Variants in CARD10 observed in about 807,000 individuals in gnomAD.
CARD10 encodes caspase recruitment domain family member 10, also known as caspase recruitment domain-containing protein 10.
A neutral mutation model predicts 114.6 loss-of-function variants in CARD10; 49 were observed. The ratio of observed to expected loss-of-function variants is 0.43; its 90% CI spans 0.34 to 0.54. The LOEUF (loss-of-function observed/expected upper bound fraction) is 0.54. Among genes scored for constraint, CARD10 ranks in the 20% least tolerant of loss-of-function variants. The pLI, the probability that CARD10 is intolerant of heterozygous loss-of-function variation, is 0.03. For synonymous variants in CARD10, 602 were observed against 593.2 expected (o/e 1.01, Z -0.21); for missense variants, 1,206 against 1,397.2 (o/e 0.86, Z 2.18).
chr22:37,508,987 C>T (rs968976243), intron 4 of CARD10: 6 of 1,548,884 alleles, frequency 3.9e-6, no homozygotes, highest in African/African-American at 2.7e-5. Context: ...GGCACACACT[C>T]GTGCTCTGGC....
At position 37,496,216 on chromosome 22, in the gene CARD10, G is replaced by C. The variant is rs1409679510; in HGVS notation, c.2060-213C>G. ...AAACAGAGCCAGGACTCAAACCCAG[G>C]TCTCTGGACTCCTAATGTAGTGCTC... On this transcript the variant is annotated intron_variant, in intron 13 of 19. Transcript: ENST00000251973. This position sits in a 1 kb window ranked among gnomAD's most constrained non-coding sequence, Gnocchi z 4.1. Among the ~76,000 whole-genome samples the C allele has an allele frequency of 6.6e-6, 1 of 152,180 alleles. No individual in the cohort carries two copies. Among genetic ancestry groups the C allele is most frequent in the Non-Finnish European group, 1.5e-5 (1 of 68,024 alleles).
At chr22:37,511,578 T>A (rs1337303543) in intron 3 of CARD10, among the ~76,000 whole-genome samples, 2 of 148,732 alleles carry the variant, frequency 1.3e-5, no homozygotes, top group Non-Finnish European at 3.0e-5. Context: ...CAGCTCCGTC[T>A]CTAGCTCAGT....
intron 8 of CARD10, 130 bp from the exon 9 acceptor site, chr22:37,504,431 T>G: frequency 2.8e-6 from 3 of 1,070,876 alleles, no homozygotes; most frequent in Non-Finnish European, 3.9e-6. Flanking sequence ...CTCTGCAAGA[T>G]TATAGTGTGC....
At position 37,496,926 on chromosome 22, in the gene CARD10, C is replaced by G; in HGVS notation, c.1947+93G>C. The G allele has an allele frequency of 7.1e-7, 1 of 1,410,814 alleles. No individual in the cohort carries two copies. Among genetic ancestry groups the G allele is most frequent in the Non-Finnish European group, 9.6e-7 (1 of 1,042,442 alleles). The allele number at this position is 1,410,814 out of a possible 1,614,324, so 87.4% of individuals were successfully genotyped here. On this transcript the variant is annotated intron_variant, in intron 12 of 19. Transcript: ENST00000251973. This position sits in a 1 kb window ranked among gnomAD's most constrained non-coding sequence, Gnocchi z 4.1. ...CGGCTTTGACCAATCCCCAGAAGCTCTGCCCGGTGATCTTGATCCACCAAA... is the reference window on the plus strand; with the variant it reads ...CGGCTTTGACCAATCCCCAGAAGCTGTGCCCGGTGATCTTGATCCACCAAA...
intron 6 of CARD10, among the ~76,000 whole-genome samples, 158 bp from the exon 7 acceptor site, chr22:37,506,541 T>C (rs190446407): frequency 1.4e-3 from 217 of 152,318 alleles, no homozygotes; most frequent in African/African-American, 3.6e-3. Context: ...CTCATTTAAA[T>C]ATCTTCACAC....
At chr22:37,509,022 G>A in intron 4 of CARD10, 1 of 1,550,180 alleles carries the variant, frequency 6.5e-7, no homozygotes, top group East Asian at 2.4e-5. Flanking sequence ...CAGGGCAGCA[G>A]ACGGAGGCCA....
At position 37,492,698 on chromosome 22, in the gene CARD10, G is replaced by C. The variant is rs760946767; in HGVS notation, c.2581C>G (p.Arg861Gly). Residue 861 changes from arginine (R) to glycine (G), a missense_variant, in exon 17 of 20, where the codon CGT becomes GGT. This residue lies in a region of CARD10 where 1,068 missense variants were observed against 1,179.1 expected (regional missense o/e 0.91). Transcript: ENST00000251973. This position sits in a 1 kb window ranked among gnomAD's most constrained non-coding sequence, Gnocchi z 5.7. Reference protein sequence around the residue: ...LPECLAPRLIRNLLDLPSSRL... With the variant: ...LPECLAPRLIGNLLDLPSSRL... ...GAGCTGGGCAGGTCTAGCAGGTTACGGATGAGCCGGGGCGCCAGGCACTCA... is the reference window on the plus strand; with the variant it reads ...GAGCTGGGCAGGTCTAGCAGGTTACCGATGAGCCGGGGCGCCAGGCACTCA... The C allele has an allele frequency of 6.2e-7, 1 of 1,612,990 alleles. No individual in the cohort carries two copies. The highest frequency in any genetic ancestry group is 1.7e-5 in the Admixed American group (1 of 59,970).
rs923266019 is a variant in CARD10, at chr22:37,501,452, G to A, written c.1787+1150C>T. Among the ~76,000 whole-genome samples, 1 of 152,102 alleles carries A rather than the reference G, an allele frequency of 6.6e-6. No individual in the cohort carries two copies. Among genetic ancestry groups the A allele is most frequent in the Non-Finnish European group, 1.5e-5 (1 of 68,012 alleles). On this transcript the variant is annotated intron_variant, in intron 11 of 19. Coordinates refer to ENST00000251973, the MANE Select transcript of CARD10 (RefSeq NM_014550.4). The surrounding 1 kb of genome is among the most constrained non-coding windows in gnomAD (Gnocchi z 5.4). ...CCTGCACAGGCAAAAACAATGTCTC[G>A]CTGAGCCCACTGCCGGGGGCCAGGT...
intron 3 of CARD10, among the ~76,000 whole-genome samples, chr22:37,515,462 C>A (rs1287211171): frequency 6.7e-6 from 1 of 150,296 alleles, no homozygotes; most frequent in Non-Finnish European, 1.5e-5. Context: ...ACCCGGGAAG[C>A]TGAGGCAGGA....
chr22:37,513,944 CA>C (rs373883936), intron 3 of CARD10, among the ~76,000 whole-genome samples: 23,781 of 148,492 alleles, frequency 0.16, 2,271 homozygotes, highest in Middle Eastern at 0.34. Context: ...ACTAAAAATA[CA>C]AAAAAAAAAT....
chr22:37,502,807 C>T, intron 10 of CARD10, 82 bp from the exon 11 acceptor site: 3 of 1,499,882 alleles, frequency 2.0e-6, no homozygotes, highest in Admixed American at 2.2e-5. Context: ...TGACCCCCCT[C>T]CAGCCCAGAG....
At chr22:37,517,920 AG>A (rs1418742863) in intron 2 of CARD10, 50 bp downstream of exon 2, 1 of 1,592,220 alleles carries the variant, frequency 6.3e-7, no homozygotes, top group South Asian at 1.1e-5. Flanking sequence ...TGGGGAAAGG[AG>A]CCTGTGCACT....
chr22:37,504,653 T>C lies in CARD10; in HGVS notation c.1500A>G (p.Gly500=), dbSNP rs1420319547. ...GTCTTACCGAGTTGTGAGGCTCAGG[T>C]CCCCCCATGACAGCTGCCTCCCCAG... ...EATGEAAVMG[G]PEPHNSEEAT... is the part of the protein sequence containing the mutation. Residue 500 remains glycine, a synonymous_variant, in exon 8 of 20, where the codon GGA becomes GGG. Transcript: ENST00000251973. The C allele has an allele frequency of 6.6e-7, 1 of 1,513,346 alleles. No homozygotes were observed. 93.7% of individuals were successfully genotyped at this position (1,513,346 alleles called of 1,614,324 possible).
intron 11 of CARD10, among the ~76,000 whole-genome samples, chr22:37,500,298 G>A (rs547781174): frequency 6.6e-6 from 1 of 152,214 alleles, no homozygotes; most frequent in African/African-American, 2.4e-5. Flanking sequence ...GACAGAAGGT[G>A]CCAGAGATCC....
chr22:37,510,561 G>T, intron 3 of CARD10, 140 bp from the exon 4 acceptor site: 1 of 682,298 alleles, frequency 1.5e-6, no homozygotes, highest in Non-Finnish European at 2.5e-6. Flanking sequence ...CCCCAGGCTT[G>T]TCTATGAAAA....
At position 37,502,708 on chromosome 22, in the gene CARD10, G is replaced by GCTTAAGTGTCACA; in HGVS notation, c.1668_1680dup (p.Pro561CysfsTer4). 6.2e-7 allele frequency: 1 copy of GCTTAAGTGTCACA among 1,613,414 alleles called. No homozygotes were observed. Among genetic ancestry groups the GCTTAAGTGTCACA allele is most frequent in the Non-Finnish European group, 8.5e-7 (1 of 1,179,788 alleles). ...GACGAAGAGAGGCCAGGGGACCAGG[G>GCTTAAGTGTCACA]CTTAAGTGTCACACTCCCTGGGGAA... On this transcript the variant is annotated stop_gained and frameshift_variant, in exon 11 of 20. Transcript: ENST00000251973. LOFTEE classifies it high-confidence loss of function.
Position 37,490,907 on chromosome 22 carries a change from G to C in CARD10, c.*252C>G. 2 of 556,066 alleles carry C rather than the reference G, an allele frequency of 3.6e-6. No individual in the cohort carries two copies. Among genetic ancestry groups the C allele is most frequent in the African/African-American group, 1.9e-5 (1 of 53,068 alleles). 34.4% of individuals were successfully genotyped at this position (556,066 alleles called of 1,614,324 possible). On this transcript the variant is annotated 3_prime_UTR_variant, in exon 20 of 20. Coordinates refer to ENST00000251973, the MANE Select transcript of CARD10 (RefSeq NM_014550.4). The stretch of plus-strand genomic sequence containing the variant: ...ACACAGACACACATAAGACCCACTA[G>C]TGGGAATGTGGAGACCCCAGGAAAG...
chr22:37,513,815 T>C (rs1429530052), intron 3 of CARD10, among the ~76,000 whole-genome samples: 1 of 151,966 alleles, frequency 6.6e-6, no homozygotes, highest in Non-Finnish European at 1.5e-5. Context: ...AATCCTTCAA[T>C]CCGGCTGAAC....
At chr22:37,518,175 T>C in intron 1 of CARD10, 67 bp from the exon 2 acceptor site, 2 of 1,535,910 alleles carry the variant, frequency 1.3e-6, no homozygotes, top group Non-Finnish European at 1.8e-6. Flanking sequence ...TGGTTGCTTC[T>C]GCCCCCACCA....
Sources: allele counts gnomAD v4.1 joint callset (sites outside exome capture counted in the v4.1 genomes callset), GRCh38; gene constraint gnomAD v4.1.1; regional missense constraint gnomAD v4.1.1; non-coding constraint Gnocchi (gnomAD v3.1); transcripts MANE v1.5; gene names NCBI Gene and HGNC (gene_info 2026-07-23, HGNC 2026-07-21).